The following PARD6G variants were observed in gnomAD, a reference collection of about 807,000 sequenced individuals.
PARD6G encodes partitioning defective 6 homolog gamma.
In PARD6G, 7 loss-of-function variants were observed where a neutral mutation model predicts 10.7. That is an observed-to-expected ratio of 0.66 (90% CI 0.37 to 1.23). The LOEUF (loss-of-function observed/expected upper bound fraction) is 1.23. Ranked by LOEUF, PARD6G falls within the 50% of genes most tolerant of loss-of-function variation. PARD6G has a pLI of 0.02. For missense variants in PARD6G, 548 were observed against 571.8 expected (o/e 0.96, Z 0.42); for synonymous variants, 287 against 269.4 (o/e 1.07, Z -0.64).
At position 80,161,579 on chromosome 18, in the gene PARD6G, T is replaced by C. The variant is rs2052701066; in HGVS notation, c.296-973A>G. 6.6e-6 allele frequency among the ~76,000 whole-genome samples: 1 copy of C among 152,214 alleles called. No individual in the cohort carries two copies. The highest frequency in any genetic ancestry group is 6.5e-5 in the Admixed American group (1 of 15,290). ...TTTCCTCATGTCAGAAAAAAAATCTTGTTTCATTAATTTTTATATGAAACC... is the reference window on the plus strand; with the variant it reads ...TTTCCTCATGTCAGAAAAAAAATCTCGTTTCATTAATTTTTATATGAAACC... On this transcript the variant is annotated intron_variant, in intron 2 of 2. Coordinates refer to ENST00000353265, the MANE Select transcript of PARD6G (RefSeq NM_032510.4). This position sits in a 1 kb window ranked among gnomAD's most constrained non-coding sequence, Gnocchi z 4.6.
intron 2 of PARD6G, among the ~76,000 whole-genome samples, chr18:80,165,445 C>T (rs1295315876): frequency 1.3e-5 from 2 of 151,870 alleles, no homozygotes; most frequent in African/African-American, 4.9e-5. Context: ...TTTCAAGGTG[C>T]ACTGATTTCA....
At chr18:80,195,709 C>A (rs1384883104) in intron 2 of PARD6G, among the ~76,000 whole-genome samples, 3 of 150,052 alleles carry the variant, frequency 2.0e-5, no homozygotes, top group Non-Finnish European at 4.4e-5. Flanking sequence ...CCTGTCTCTA[C>A]TAAAAATACA....
chr18:80,178,331 G>A (rs11660391), intron 2 of PARD6G: 37,667 of 152,680 alleles, frequency 0.25, 6,107 homozygotes, highest in Non-Finnish European at 0.37. Flanking sequence ...AGATTCCTCC[G>A]AGCTCAGTGT....
At chr18:80,209,162 G>A (rs1967083333) in intron 1 of PARD6G, among the ~76,000 whole-genome samples, 1 of 151,428 alleles carries the variant, frequency 6.6e-6, no homozygotes, top group South Asian at 2.1e-4. Context: ...CCAGTACCCT[G>A]ACACTATGAG....
chr18:80,227,541 G>C (rs1967305539), intron 1 of PARD6G, among the ~76,000 whole-genome samples: 1 of 152,232 alleles, frequency 6.6e-6, no homozygotes. Flanking sequence ...GCAAGGCTGT[G>C]TTTTCTTGCA....
chr18:80,224,630 G>A (rs1018162588), intron 1 of PARD6G, among the ~76,000 whole-genome samples: 4 of 152,172 alleles, frequency 2.6e-5, no homozygotes, highest in African/African-American at 9.7e-5. Flanking sequence ...GGCGGATCAC[G>A]AGGTCAGCAG....
Position 80,175,283 on chromosome 18 carries a change from G to A in PARD6G, c.296-14677C>T, listed in dbSNP as rs998990522. On this transcript the variant is annotated intron_variant, in intron 2 of 2. Transcript: ENST00000353265. This position sits in a 1 kb window ranked among gnomAD's most constrained non-coding sequence, Gnocchi z 6.7. ...CGGCCATAACAAAATACCACAGATG[G>A]TGCAGCTTAAACTATGCACATTTAT... is the stretch of plus-strand genomic sequence containing the variant. Among the ~76,000 whole-genome samples the A allele has an allele frequency of 6.6e-6, 1 of 152,162 alleles. No homozygotes were observed. Among genetic ancestry groups the A allele is most frequent in the Non-Finnish European group, 1.5e-5 (1 of 68,032 alleles).
intron 1 of PARD6G, among the ~76,000 whole-genome samples, chr18:80,230,602 C>T (rs139828117): frequency 7.1e-4 from 108 of 152,238 alleles, no homozygotes; most frequent in African/African-American, 2.5e-3. Context: ...TGCAGGGTGA[C>T]GGCTAAACCC....
intron 1 of PARD6G, among the ~76,000 whole-genome samples, chr18:80,221,024 A>C (rs1243894345): frequency 1.3e-5 from 2 of 152,228 alleles, no homozygotes; most frequent in African/African-American, 2.4e-5. Flanking sequence ...CTCAAAAAGC[A>C]GAAAATCTGA....
intron 2 of PARD6G, among the ~76,000 whole-genome samples, chr18:80,164,838 G>A (rs971781200): frequency 6.6e-6 from 1 of 152,110 alleles, no homozygotes; most frequent in South Asian, 2.1e-4. Context: ...GGGAGGGGGT[G>A]TAAAACAGGG....
At chr18:80,216,513 A>G (rs1188819511) in intron 1 of PARD6G, among the ~76,000 whole-genome samples, 2 of 152,164 alleles carry the variant, frequency 1.3e-5, no homozygotes, top group Non-Finnish European at 2.9e-5. Context: ...ATACCCCTAA[A>G]TAACCTATGG....
chr18:80,178,083 C>G (rs1252120066), intron 2 of PARD6G: 1 of 167,108 alleles, frequency 6.0e-6, no homozygotes, highest in East Asian at 1.9e-4. Flanking sequence ...TTGATTCTTG[C>G]AGATACAGCT....
intron 1 of PARD6G, among the ~76,000 whole-genome samples, chr18:80,205,006 T>G (rs1017373495): frequency 6.6e-6 from 1 of 152,050 alleles, no homozygotes; most frequent in African/African-American, 2.4e-5. Context: ...CAATGACTAA[T>G]CAAAGCCCCT....
In PARD6G at chr18:80,183,977, T is replaced by C. The variant is rs1015542459; in HGVS notation, c.295+18733A>G. The stretch of plus-strand genomic sequence containing the variant: ...TTAGAAGCATTTTAACTCTTGTTTT[T>C]ACAAACTTTCTTTTTACATATATGT... On this transcript the variant is annotated intron_variant, in intron 2 of 2. Coordinates refer to ENST00000353265, the MANE Select transcript of PARD6G (RefSeq NM_032510.4). The surrounding 1 kb of genome is among the most constrained non-coding windows in gnomAD (Gnocchi z 4.5). The C allele has an allele frequency of 6.4e-4, 97 of 152,244 alleles. 1 individual carries two copies. The highest frequency in any genetic ancestry group is 2.2e-3 in the African/African-American group (92 of 41,452). The allele number at this position is 152,244 out of a possible 1,614,324, so 9.4% of individuals were successfully genotyped here.
rs538765972 is a variant in PARD6G, at chr18:80,189,579, C to T, written c.295+13131G>A. 9 of 152,312 alleles carry T rather than the reference C, an allele frequency of 5.9e-5. No homozygotes were observed. Among genetic ancestry groups the T allele is most frequent in the Non-Finnish European group, 1.0e-4 (7 of 68,044 alleles). 9.4% of individuals were successfully genotyped at this position (152,312 alleles called of 1,614,324 possible). ...CTAACTCCAGATGTCTTCTCTTACC[C>T]GCTAACTGACACCACGTCAGGAGCC... On this transcript the variant is annotated intron_variant, in intron 2 of 2. Coordinates refer to ENST00000353265, the MANE Select transcript of PARD6G (RefSeq NM_032510.4). The surrounding 1 kb of genome is among the most constrained non-coding windows in gnomAD (Gnocchi z 5.5).
intron 1 of PARD6G, among the ~76,000 whole-genome samples, chr18:80,234,736 G>C (rs1298299300): frequency 6.6e-6 from 1 of 152,146 alleles, no homozygotes; most frequent in Non-Finnish European, 1.5e-5. Context: ...CAGTCACCAA[G>C]TCAAGGTGAC....
chr18:80,206,293 T>G (rs916618631), intron 1 of PARD6G, among the ~76,000 whole-genome samples: 14 of 152,336 alleles, frequency 9.2e-5, no homozygotes, highest in Admixed American at 5.2e-4. Context: ...AAATGTGACA[T>G]GACAAAAGCA....
rs755747121 is a variant in PARD6G at position 80,201,677 on chromosome 18, G to C, written c.295+1033C>G. Among the ~76,000 whole-genome samples the C allele has an allele frequency of 6.6e-6, 1 of 152,260 alleles. No homozygotes were observed. The highest frequency in any genetic ancestry group is 2.4e-5 in the African/African-American group (1 of 41,478). On this transcript the variant is annotated intron_variant, in intron 2 of 2. Transcript: ENST00000353265. This position sits in a 1 kb window ranked among gnomAD's most constrained non-coding sequence, Gnocchi z 5.9. ...CAAATGGGAATAACAGCCATAGCTA[G>C]TATTTACAGAGCAGGGACGAGGAGC... is the stretch of plus-strand genomic sequence containing the variant.
intron 1 of PARD6G, among the ~76,000 whole-genome samples, chr18:80,239,445 A>T (rs544419660): frequency 6.6e-6 from 1 of 150,444 alleles, no homozygotes; most frequent in South Asian, 2.1e-4. Context: ...CTGATGAGCT[A>T]AAAAAAAAAT....
Sources: allele counts gnomAD v4.1 joint callset (sites outside exome capture counted in the v4.1 genomes callset), GRCh38; gene constraint gnomAD v4.1.1; non-coding constraint Gnocchi (gnomAD v3.1); transcripts MANE v1.5; gene names NCBI Gene and HGNC (gene_info 2026-07-23, HGNC 2026-07-21).